Variants in C9orf85 observed in about 807,000 individuals in gnomAD.
C9orf85 encodes chromosome 9 open reading frame 85, also known as uncharacterized protein C9orf85.
C9orf85 carries 16 observed loss-of-function variants against 14.9 expected under a neutral mutation model. The ratio of observed to expected loss-of-function variants is 1.08; its 90% CI spans 0.73 to 1.63. C9orf85 has a LOEUF of 1.63. Ranked by LOEUF, C9orf85 falls within the 40% of genes most tolerant of loss-of-function variation. The pLI, the probability that C9orf85 is intolerant of heterozygous loss-of-function variation, is 0.00. For missense variants in C9orf85, 172 were observed against 186.1 expected, an observed-to-expected ratio of 0.92 and a Z score of 0.44; for synonymous variants, 45 against 56.8, an observed-to-expected ratio of 0.79 and a Z score of 0.93.
intron 1 of C9orf85, among the ~76,000 whole-genome samples, chr9:71,936,211 A>G (rs1828187473): frequency 3.3e-5 from 5 of 152,076 alleles, no homozygotes; most frequent in South Asian, 4.1e-4. Flanking sequence ...CTTGCCTGCA[A>G]TCTGAGACAT....
intron 2 of C9orf85, among the ~76,000 whole-genome samples, chr9:71,964,864 C>T (rs1235464303): frequency 6.6e-6 from 1 of 152,146 alleles, no homozygotes; most frequent in African/African-American, 2.4e-5. Context: ...AACTGTGGAA[C>T]CCAGTGACTA....
intron 2 of C9orf85, among the ~76,000 whole-genome samples, chr9:71,963,529 G>A (rs1822585023): frequency 6.6e-6 from 1 of 152,244 alleles, no homozygotes; most frequent in East Asian, 1.9e-4. Flanking sequence ...AGCTTGCAGG[G>A]AGGTGTGGAG....
intron 1 of C9orf85, among the ~76,000 whole-genome samples, chr9:71,945,661 T>C (rs527318369): frequency 2.0e-5 from 3 of 152,362 alleles, no homozygotes; most frequent in African/African-American, 7.2e-5. Flanking sequence ...TGTTTAGAAC[T>C]TTCAAGAATA....
chr9:71,941,654 G>T (rs1312760285), intron 1 of C9orf85, among the ~76,000 whole-genome samples: 1 of 152,204 alleles, frequency 6.6e-6, no homozygotes, highest in Admixed American at 6.5e-5. Flanking sequence ...TAGGTGAAAA[G>T]AGAGATAACA....
chr9:71,923,290 A>T (rs1268184247), intron 1 of C9orf85, among the ~76,000 whole-genome samples: 1 of 152,006 alleles, frequency 6.6e-6, no homozygotes, highest in Non-Finnish European at 1.5e-5. Flanking sequence ...TTTTTGAGAC[A>T]AGAGTCTCTC....
downstream of C9orf85, among the ~76,000 whole-genome samples, chr9:71,974,944 A>G (rs1331480857): frequency 1.3e-5 from 2 of 152,144 alleles, no homozygotes; most frequent in Non-Finnish European, 2.9e-5. Context: ...ATAATAGGTG[A>G]TATTAGGGAA....
At chr9:71,966,768 G>T (rs919123977) in intron 2 of C9orf85, among the ~76,000 whole-genome samples, 1 of 152,166 alleles carries the variant, frequency 6.6e-6, no homozygotes, top group Non-Finnish European at 1.5e-5. Flanking sequence ...CTGGGCAAAG[G>T]CAGTCTTGTT....
At chr9:71,974,988 A>G (rs562528477), downstream of C9orf85, among the ~76,000 whole-genome samples, 60 of 152,346 alleles carry the variant, frequency 3.9e-4, 1 homozygote, top group African/African-American at 1.3e-3. Context: ...AGAAATCCAT[A>G]CTGAAATACT....
chr9:71,970,431 C>G (rs996496369), intron 2 of C9orf85, among the ~76,000 whole-genome samples: 4 of 152,176 alleles, frequency 2.6e-5, no homozygotes, highest in African/African-American at 7.2e-5. Flanking sequence ...TAATAATATA[C>G]TTCCAATTCC....
chr9:71,925,208 C>T (rs1400755997), intron 1 of C9orf85, among the ~76,000 whole-genome samples: 1 of 152,168 alleles, frequency 6.6e-6, no homozygotes, highest in Non-Finnish European at 1.5e-5. Flanking sequence ...AAATGGCTGA[C>T]TGAACATGTA....
intron 1 of C9orf85, among the ~76,000 whole-genome samples, chr9:71,935,469 C>A (rs932969972): frequency 1.3e-5 from 2 of 151,706 alleles, no homozygotes; most frequent in Non-Finnish European, 2.9e-5. Context: ...CATCAATGAA[C>A]CTTAAGGACA....
At chr9:71,954,610 T>G (rs547705953) in intron 2 of C9orf85, among the ~76,000 whole-genome samples, 26 of 152,300 alleles carry the variant, frequency 1.7e-4, no homozygotes, top group African/African-American at 6.3e-4. Flanking sequence ...GCCATGGCAT[T>G]TGTAAACTGT....
In C9orf85 at chr9:71,946,394, T is replaced by C. The variant is rs930872561; in HGVS notation, c.103-612T>C. Among the ~76,000 whole-genome samples, 30 of 152,224 alleles carry C rather than the reference T, an allele frequency of 2.0e-4. 1 individual carries two copies. The highest frequency in any genetic ancestry group is 2.0e-3 in the Admixed American group (30 of 15,282). ...CAAGGTTTTCTTTTCTATTATTATG[T>C]TTTTATTGAGATATAACTTACATAC... is the stretch of plus-strand genomic sequence containing the variant. On this transcript the variant is annotated intron_variant, in intron 1 of 3. Transcript: ENST00000334731.
chr9:71,944,995 C>A (rs560125569), intron 1 of C9orf85, among the ~76,000 whole-genome samples: 1 of 152,182 alleles, frequency 6.6e-6, no homozygotes, highest in Non-Finnish European at 1.5e-5. Flanking sequence ...CTTTGTAAAT[C>A]AAGATGAACT....
At chr9:71,947,236 T>G (rs1216755504) in intron 2 of C9orf85, 124 bp downstream of exon 2, 1 of 635,030 alleles carries the variant, frequency 1.6e-6, no homozygotes, top group Non-Finnish European at 2.6e-6. Flanking sequence ...AATTCCATTC[T>G]CCCCTGTAGA....
intron 1 of C9orf85, among the ~76,000 whole-genome samples, chr9:71,923,073 T>G (rs748399942): frequency 1.3e-5 from 2 of 152,156 alleles, no homozygotes; most frequent in Non-Finnish European, 2.9e-5. Context: ...GAGGTTGCAG[T>G]GAGCTGAGGT....
downstream of C9orf85, chr9:71,985,887 T>C (rs1331224933): frequency 2.0e-5 from 3 of 152,250 alleles, no homozygotes; most frequent in African/African-American, 7.2e-5. Context: ...AATGTATTTC[T>C]TAGCTTCTGA....
chr9:71,927,611 C>A (rs1827962384), intron 1 of C9orf85, among the ~76,000 whole-genome samples: 1 of 152,136 alleles, frequency 6.6e-6, no homozygotes, highest in African/African-American at 2.4e-5. Flanking sequence ...GAGTGCCTAT[C>A]ATTCTGGCCT....
intron 1 of C9orf85, among the ~76,000 whole-genome samples, chr9:71,917,904 T>C (rs10869068): frequency 0.97 from 148,118 of 152,332 alleles, 72,140 homozygotes; most frequent in East Asian, 1. Flanking sequence ...CCAAGAAGGC[T>C]GGGCACAGTG....
Sources: gnomAD v4.1 joint callset for allele counts (sites outside exome capture counted in the v4.1 genomes callset) on GRCh38, gnomAD v4.1.1 for gene constraint, MANE v1.5 for transcripts, NCBI Gene and HGNC (gene_info 2026-07-23, HGNC 2026-07-21) for gene names.